STAG1: variants seen among roughly 807,000 people sequenced by gnomAD.
STAG1 encodes cohesin subunit SA-1.
In STAG1, 26 loss-of-function variants were observed where a neutral mutation model predicts 170.9. The ratio of observed to expected loss-of-function variants is 0.15; its 90% CI spans 0.11 to 0.21. STAG1 has a LOEUF of 0.21. Among genes scored for constraint, STAG1 ranks in the 10% least tolerant of loss-of-function variants. STAG1 has a pLI of 1.00. For missense variants in STAG1, 964 were observed against 1,509.5 expected, an observed-to-expected ratio of 0.64 and a Z score of 5.99; for synonymous variants, 514 against 497.7, an observed-to-expected ratio of 1.03 and a Z score of -0.44.
intron 16 of STAG1, among the ~76,000 whole-genome samples, chr3:136,432,254 G>A (rs1435418684): frequency 6.6e-6 from 1 of 151,908 alleles, no homozygotes; most frequent in Non-Finnish European, 1.5e-5. Flanking sequence ...TTCCATTTGG[G>A]TTTTCATTAT....
chr3:136,521,139 C>A, intron 7 of STAG1, 74 bp downstream of exon 7: 2 of 1,183,260 alleles, frequency 1.7e-6, no homozygotes, highest in South Asian at 1.5e-5. Flanking sequence ...TAAATCTTCT[C>A]ATTAAGTTTG....
intron 5 of STAG1, among the ~76,000 whole-genome samples, chr3:136,561,683 T>C (rs899522531): frequency 2.0e-5 from 3 of 152,242 alleles, no homozygotes; most frequent in Non-Finnish European, 4.4e-5. Flanking sequence ...TAATTACTTT[T>C]TATTGTCCAA....
chr3:136,347,707 T>C (rs912207512), intron 29 of STAG1, among the ~76,000 whole-genome samples: 4 of 152,226 alleles, frequency 2.6e-5, no homozygotes, highest in Non-Finnish European at 5.9e-5. Flanking sequence ...TAGATAGATA[T>C]GAGGCATTAC....
At chr3:136,678,850 C>CAAAAA (rs559610524) in intron 1 of STAG1, among the ~76,000 whole-genome samples, 1 of 35,370 alleles carries the variant, frequency 2.8e-5, no homozygotes, top group Non-Finnish European at 6.0e-5. Context: ...CCCATGCTCA[C>CAAAAA]AAAAAAAAAA....
At chr3:136,530,229 T>G (rs1385892696) in intron 6 of STAG1, among the ~76,000 whole-genome samples, 1 of 152,198 alleles carries the variant, frequency 6.6e-6, no homozygotes, top group African/African-American at 2.4e-5. Context: ...CATCCAGATT[T>G]ATAAGGCAAA....
intron 1 of STAG1, chr3:136,736,925 A>G: frequency 1.3e-6 from 2 of 1,590,502 alleles, no homozygotes; most frequent in Non-Finnish European, 1.7e-6. Context: ...TCTAGTAGCA[A>G]CTTGTAAGCT....
intron 5 of STAG1, among the ~76,000 whole-genome samples, chr3:136,554,604 T>C (rs184073804): frequency 1.3e-5 from 2 of 152,226 alleles, no homozygotes; most frequent in Admixed American, 6.5e-5. Context: ...AATTTAAAAA[T>C]ATGCTTCTGA....
intron 22 of STAG1, among the ~76,000 whole-genome samples, chr3:136,383,517 C>T (rs1309543399): frequency 1.3e-5 from 2 of 152,212 alleles, no homozygotes; most frequent in Middle Eastern, 3.4e-3. Context: ...TTCATTTTAT[C>T]TGGGCCAGAA....
chr3:136,624,723 G>T (rs996402671), intron 2 of STAG1, among the ~76,000 whole-genome samples: 1 of 152,084 alleles, frequency 6.6e-6, no homozygotes, highest in African/African-American at 2.4e-5. Flanking sequence ...AATAAATTAA[G>T]CATTGATTTT....
chr3:136,499,180 T>C (rs545585029), intron 9 of STAG1, among the ~76,000 whole-genome samples: 2 of 152,300 alleles, frequency 1.3e-5, no homozygotes, highest in East Asian at 3.9e-4. Flanking sequence ...CAGCTGTGTA[T>C]GTGTGTATTT....
chr3:136,612,474 A>G (rs1399291388), intron 3 of STAG1, among the ~76,000 whole-genome samples: 1 of 152,122 alleles, frequency 6.6e-6, no homozygotes, highest in Non-Finnish European at 1.5e-5. Flanking sequence ...AATTGACAAG[A>G]AATACAAAGA....
intron 14 of STAG1, among the ~76,000 whole-genome samples, chr3:136,450,170 T>C (rs1402693097): frequency 1.3e-5 from 2 of 152,216 alleles, no homozygotes; most frequent in Non-Finnish European, 2.9e-5. Flanking sequence ...TGCATTTTAT[T>C]CTGTAATACA....
chr3:136,608,428 G>A (rs1939072695), intron 3 of STAG1, among the ~76,000 whole-genome samples: 1 of 150,888 alleles, frequency 6.6e-6, no homozygotes. Flanking sequence ...CTGCTCAGCA[G>A]GCTAAAGTGG....
At chr3:136,392,525 G>A (rs746168105) in intron 22 of STAG1, among the ~76,000 whole-genome samples, 8 of 152,000 alleles carry the variant, frequency 5.3e-5, no homozygotes, top group Non-Finnish European at 7.4e-5. Context: ...CCAGCACTTC[G>A]GGAGGCTGAG....
At chr3:136,749,935 T>C (rs571677510) in intron 1 of STAG1, among the ~76,000 whole-genome samples, 5 of 150,202 alleles carry the variant, frequency 3.3e-5, no homozygotes, top group Non-Finnish European at 7.4e-5. Flanking sequence ...GAAACTAATA[T>C]ACCCCCCTAA....
intron 1 of STAG1, among the ~76,000 whole-genome samples, chr3:136,675,381 T>C (rs749350921): frequency 8.5e-5 from 13 of 152,184 alleles, no homozygotes; most frequent in Non-Finnish European, 1.3e-4. Context: ...ACATCTGTCC[T>C]GATACCACCA....
chr3:136,671,525 T>C lies in STAG1; in HGVS notation c.-83-40544A>G, dbSNP rs73863912. On this transcript the variant is annotated intron_variant, in intron 1 of 33. Transcript: ENST00000383202. ...GCCTTTGATAGTACTAATAAAAATG[T>C]AGAAGTAAACTGAAAAGAAAAGGTT... Among the ~76,000 whole-genome samples the C allele has an allele frequency of 3.1e-3, 466 of 152,248 alleles. 7 individuals are homozygous for C. The highest frequency in any genetic ancestry group is 0.011 in the African/African-American group (454 of 41,528).
intron 9 of STAG1, among the ~76,000 whole-genome samples, chr3:136,487,779 G>A (rs962068466): frequency 2.0e-5 from 3 of 152,250 alleles, no homozygotes; most frequent in South Asian, 2.1e-4. Flanking sequence ...GGTATACTAC[G>A]TAAAGTATCT....
chr3:136,411,760 C>T (rs2087629651), intron 21 of STAG1, among the ~76,000 whole-genome samples: 1 of 152,028 alleles, frequency 6.6e-6, no homozygotes, highest in Admixed American at 6.6e-5. Flanking sequence ...ACCAGTCTGT[C>T]CAAGATGGTG....
Sources: gnomAD v4.1 joint callset for allele counts (sites outside exome capture counted in the v4.1 genomes callset) on GRCh38, gnomAD v4.1.1 for gene constraint, MANE v1.5 for transcripts, NCBI Gene and HGNC (gene_info 2026-07-23, HGNC 2026-07-21) for gene names.